SMOC2: variants seen among roughly 807,000 people sequenced by gnomAD.
SMOC2 encodes SPARC-related modular calcium-binding protein 2.
A neutral mutation model predicts 61.4 loss-of-function variants in SMOC2; 39 were observed. That is an observed-to-expected ratio of 0.64 (90% CI 0.49 to 0.83). The LOEUF is 0.83. Among genes scored for constraint, SMOC2 ranks in the 40% least tolerant of loss-of-function variants. SMOC2 has a pLI of 0.00. For missense variants in SMOC2, 556 were observed against 592.9 expected (o/e 0.94, Z 0.65); for synonymous variants, 247 against 239.9 (o/e 1.03, Z -0.27).
intron 9 of SMOC2, among the ~76,000 whole-genome samples, chr6:168,629,835 G>A (rs1004605663): frequency 7.9e-5 from 12 of 152,180 alleles, no homozygotes; most frequent in Non-Finnish European, 1.0e-4. Flanking sequence ...TTAAAGCTCC[G>A]CTGAAGTGTA....
intron 9 of SMOC2, among the ~76,000 whole-genome samples, chr6:168,614,197 A>G (rs1339696788): frequency 2.9e-5 from 2 of 68,450 alleles, no homozygotes; most frequent in Non-Finnish European, 5.5e-5. Flanking sequence ...ACCTACAGCC[A>G]GCACAGAGCC....
intron 7 of SMOC2, among the ~76,000 whole-genome samples, chr6:168,595,177 T>TTC: frequency 7.3e-6 from 1 of 137,606 alleles, no homozygotes; most frequent in South Asian, 2.5e-4. Flanking sequence ...GAGCTCCTCC[T>TTC]CCTTCCTGAG....
rs1213285593 is a variant in SMOC2 at position 168,664,532 on chromosome 6, G to A, written c.1323+421G>A. The A allele has an allele frequency of 1.3e-5, 5 of 386,720 alleles. No individual in the cohort carries two copies. The East Asian group carries it at 3.6e-4, about 28-fold the overall frequency. 24.0% of individuals were successfully genotyped at this position (386,720 alleles called of 1,614,324 possible). A position where few individuals can be genotyped will look rare whatever the true frequency, so the allele number is the denominator to read the frequency against. ...CCCGGCTGAATTTTTTCAAGCAATT[G>A]TCTGAGTGTTTGTAATTTGGTTCCT... is the stretch of plus-strand genomic sequence containing the variant. On this transcript the variant is annotated intron_variant, in intron 12 of 12. Coordinates refer to ENST00000356284, the MANE Select transcript of SMOC2 (RefSeq NM_001166412.2).
chr6:168,574,053 A>G (rs1784735900), intron 7 of SMOC2, among the ~76,000 whole-genome samples: 1 of 152,140 alleles, frequency 6.6e-6, no homozygotes, highest in African/African-American at 2.4e-5. Context: ...TGTCTTGCCC[A>G]CCCTAGAAGA....
At chr6:168,639,616 G>A (rs80152936) in intron 9 of SMOC2, among the ~76,000 whole-genome samples, 158 of 152,062 alleles carry the variant, frequency 1.0e-3, no homozygotes, top group African/African-American at 3.7e-3. Context: ...TTATCTAACC[G>A]TAGCTTAAGT....
intron 7 of SMOC2, among the ~76,000 whole-genome samples, chr6:168,570,466 G>T (rs758547423): frequency 2.0e-5 from 3 of 152,290 alleles, no homozygotes; most frequent in African/African-American, 7.2e-5. Context: ...GGCCCAGGGC[G>T]CACTCCTGCT....
At chr6:168,661,950 G>A (rs766371064) in intron 11 of SMOC2, among the ~76,000 whole-genome samples, 1 of 152,178 alleles carries the variant, frequency 6.6e-6, no homozygotes, top group South Asian at 2.1e-4. Context: ...GCCACTGCTC[G>A]ATGTTTTTGC....
At chr6:168,465,608 C>A (rs184841695) in intron 1 of SMOC2, among the ~76,000 whole-genome samples, 1 of 151,704 alleles carries the variant, frequency 6.6e-6, no homozygotes, top group South Asian at 2.1e-4. Context: ...AGAGATTTTA[C>A]GAAAGTGACA....
rs184595027 is a variant in SMOC2 at position 168,588,216 on chromosome 6, C to T, written c.638-10602C>T. ...TCGGCTCACTGTAACCTCTGCCTCA[C>T]GGGTTCAAGCAATTCTCCTGTCTCG... On this transcript the variant is annotated intron_variant, in intron 7 of 12. Transcript: ENST00000356284. Among the ~76,000 whole-genome samples, 433 of 151,484 alleles carry T rather than the reference C, an allele frequency of 2.9e-3. 2 individuals carry two copies. The highest frequency in any genetic ancestry group is 9.9e-3 in the African/African-American group (412 of 41,418).
intron 7 of SMOC2, among the ~76,000 whole-genome samples, chr6:168,583,867 G>GGAGGAGGGCA (rs201113874): frequency 0.024 from 3,616 of 152,246 alleles, 126 homozygotes; most frequent in African/African-American, 0.083. Context: ...ACTGAAGAAG[G>GGAGGAGGGCA]GAGGAGGGCA....
intron 8 of SMOC2, among the ~76,000 whole-genome samples, chr6:168,607,869 T>A (rs1785750156): frequency 1.8e-5 from 1 of 56,680 alleles, no homozygotes; most frequent in South Asian, 4.7e-4. Flanking sequence ...TGTGGGTGCT[T>A]GGCAGCTGCT....
rs1279250802 is a variant in SMOC2 at position 168,560,441 on chromosome 6, T to TA, written c.637+11242dup. On this transcript the variant is annotated intron_variant, in intron 7 of 12. Transcript: ENST00000356284. Reference sequence around the variant, plus strand: ...AGTCTTCAAGGTCATATTTATTTTTTAAAACTCTTTCAATAACTGAAGAAG... The same window carrying TA: ...AGTCTTCAAGGTCATATTTATTTTTTAAAAACTCTTTCAATAACTGAAGAAG... Among the ~76,000 whole-genome samples, 3 of 152,384 alleles carry TA rather than the reference T, an allele frequency of 2.0e-5. No homozygotes were observed. The East Asian group carries it at 5.8e-4, about 29-fold the overall frequency.
intron 7 of SMOC2, among the ~76,000 whole-genome samples, chr6:168,585,782 T>G (rs966706997): frequency 6.6e-6 from 1 of 152,256 alleles, no homozygotes; most frequent in Non-Finnish European, 1.5e-5. Flanking sequence ...TTCAAATACT[T>G]ATTTTTCAGT....
intron 2 of SMOC2, among the ~76,000 whole-genome samples, chr6:168,510,862 C>T (rs974481022): frequency 4.6e-5 from 7 of 152,278 alleles, no homozygotes; most frequent in East Asian, 3.9e-4. Flanking sequence ...CTTTTGCAGA[C>T]GACGAAGGCA....
intron 1 of SMOC2, among the ~76,000 whole-genome samples, chr6:168,490,236 T>C (rs1176752692): frequency 1.3e-5 from 2 of 151,854 alleles, no homozygotes; most frequent in African/African-American, 4.8e-5. Flanking sequence ...TATCGAATTG[T>C]CTGGGTCCCC....
chr6:168,530,895 C>G (rs1391681108), intron 4 of SMOC2, among the ~76,000 whole-genome samples: 1 of 152,180 alleles, frequency 6.6e-6, no homozygotes, highest in Non-Finnish European at 1.5e-5. Flanking sequence ...AGAACCAAAG[C>G]CTGGAAACAG....
intron 7 of SMOC2, among the ~76,000 whole-genome samples, chr6:168,560,205 A>G (rs949580165): frequency 6.6e-6 from 1 of 152,218 alleles, no homozygotes; most frequent in Admixed American, 6.5e-5. Context: ...GATAAAATCT[A>G]GTATAGACAT....
intron 1 of SMOC2, among the ~76,000 whole-genome samples, chr6:168,489,556 CGTCTGGGTCCCCTTGG>C (rs1562552917): frequency 4.5e-4 from 66 of 146,172 alleles, no homozygotes; most frequent in African/African-American, 1.5e-3. Context: ...TATATCAAAT[CGTCTGGGTCCCCTTGG>C]ATCACACTGT....
intron 1 of SMOC2, among the ~76,000 whole-genome samples, chr6:168,461,653 C>G (rs764166322): frequency 6.6e-6 from 1 of 152,116 alleles, no homozygotes; most frequent in African/African-American, 2.4e-5. Flanking sequence ...TAATTAAAAT[C>G]TTGACTCTAG....
Sources: allele counts gnomAD v4.1 joint callset (sites outside exome capture counted in the v4.1 genomes callset), GRCh38; gene constraint gnomAD v4.1.1; transcripts MANE v1.5; gene names NCBI Gene and HGNC (gene_info 2026-07-23, HGNC 2026-07-21).